Variants in IFT57 observed in about 807,000 individuals in gnomAD.
The protein encoded by IFT57 is intraflagellar transport 57.
Under a neutral mutation model 56.8 loss-of-function variants are expected in IFT57, and 59 were observed. That is an observed-to-expected ratio of 1.04 (90% confidence interval 0.84 to 1.29). The LOEUF (loss-of-function observed/expected upper bound fraction) is 1.29, where lower values mean the gene tolerates loss of function less well. Ranked by LOEUF, IFT57 falls within the 50% of genes most tolerant of loss-of-function variation. IFT57 has a pLI of 0.00. For missense variants in IFT57, 470 were observed against 522.1 expected (o/e 0.90, Z 0.97); for synonymous variants, 209 against 186.1 (o/e 1.12, Z -1.00).
chr3:108,207,693 C>A (rs937191449), intron 4 of IFT57, among the ~76,000 whole-genome samples: 1 of 152,192 alleles, frequency 6.6e-6, no homozygotes, highest in African/African-American at 2.4e-5. Flanking sequence ...GTATCAGCAT[C>A]ACCTAGGTAC....
intron 5 of IFT57, among the ~76,000 whole-genome samples, chr3:108,205,208 A>G (rs1426252459): frequency 6.6e-6 from 1 of 152,154 alleles, no homozygotes; most frequent in South Asian, 2.1e-4. Context: ...GCCAGTGCTG[A>G]GTACTTTCTA....
chr3:108,189,868 G>T (rs2080205262), intron 6 of IFT57, among the ~76,000 whole-genome samples: 1 of 151,716 alleles, frequency 6.6e-6, no homozygotes, highest in Admixed American at 6.6e-5. Flanking sequence ...CATTCTTACA[G>T]CAAAGTAAAC....
chr3:108,189,814 A>G (rs1316115156), intron 6 of IFT57, among the ~76,000 whole-genome samples: 1 of 152,234 alleles, frequency 6.6e-6, no homozygotes, highest in Non-Finnish European at 1.5e-5. Flanking sequence ...GATACTGATA[A>G]TATAAACAAC....
intron 5 of IFT57, among the ~76,000 whole-genome samples, chr3:108,202,275 A>G (rs2108322074): frequency 6.6e-6 from 1 of 152,292 alleles, no homozygotes; most frequent in East Asian, 1.9e-4. Flanking sequence ...AGATACAAAG[A>G]CTACTCATAA....
intron 5 of IFT57, among the ~76,000 whole-genome samples, chr3:108,206,111 ATG>A (rs1236557057): frequency 7.4e-6 from 1 of 135,210 alleles, no homozygotes; most frequent in Non-Finnish European, 1.5e-5. Context: ...TATAATATAT[ATG>A]GTGAATGTAA....
chr3:108,198,772 ATTT>A (rs1473373455), intron 5 of IFT57, among the ~76,000 whole-genome samples: 1 of 151,960 alleles, frequency 6.6e-6, no homozygotes, highest in Non-Finnish European at 1.5e-5. Context: ...GTGCCTTATT[ATTT>A]GTTATTGTGA....
At chr3:108,194,976 T>G (rs1339395566) in intron 5 of IFT57, among the ~76,000 whole-genome samples, 1 of 152,078 alleles carries the variant, frequency 6.6e-6, no homozygotes, top group Non-Finnish European at 1.5e-5. Context: ...AATGGGATCA[T>G]GTCAAGCTAA....
At chr3:108,191,070 C>A (rs961348641) in intron 6 of IFT57, among the ~76,000 whole-genome samples, 1 of 152,180 alleles carries the variant, frequency 6.6e-6, no homozygotes, top group Non-Finnish European at 1.5e-5. Flanking sequence ...GGATTACAAA[C>A]GTGAGCCATG....
intron 5 of IFT57, among the ~76,000 whole-genome samples, chr3:108,205,447 A>G (rs1466756499): frequency 6.6e-6 from 1 of 151,992 alleles, no homozygotes; most frequent in African/African-American, 2.4e-5. Context: ...TGGGCAGAAA[A>G]CACAGACACA....
chr3:108,188,064 T>C (rs957048541), intron 6 of IFT57, among the ~76,000 whole-genome samples: 2 of 152,104 alleles, frequency 1.3e-5, no homozygotes, highest in Middle Eastern at 3.4e-3. Context: ...ATTAGGTATA[T>C]CTCCTAATGC....
At chr3:108,172,831 G>A (rs2080101993) in intron 6 of IFT57, among the ~76,000 whole-genome samples, 1 of 151,796 alleles carries the variant, frequency 6.6e-6, no homozygotes, top group South Asian at 2.1e-4. Flanking sequence ...AAAAATACTA[G>A]GAATTTGTGT....
intron 4 of IFT57, among the ~76,000 whole-genome samples, chr3:108,211,847 AT>A (rs1459184585): frequency 1.5e-4 from 23 of 152,214 alleles, no homozygotes; most frequent in African/African-American, 5.5e-4. Flanking sequence ...ATTAATGCTA[AT>A]ATATTTATTT....
At position 108,167,923 on chromosome 3, in the gene IFT57, A is replaced by G. The variant is rs1214413702; in HGVS notation, c.778-59T>C. Reference sequence around the variant, plus strand: ...AAATACTACATTTCCATCTTTCCCTACTTCTTGTGAAGTTGTAACCTTTAA... The same window carrying G: ...AAATACTACATTTCCATCTTTCCCTGCTTCTTGTGAAGTTGTAACCTTTAA... On this transcript the variant is annotated intron_variant, in intron 6 of 10. Transcript: ENST00000264538. 8.4e-6 allele frequency: 11 copies of G among 1,316,774 alleles called. No homozygotes were observed. In the East Asian group the frequency reaches 2.5e-4, roughly 30 times the overall value. 81.6% of individuals were successfully genotyped at this position (1,316,774 alleles called of 1,614,324 possible). A position where few individuals can be genotyped will look rare whatever the true frequency, so the allele number is the denominator to read the frequency against.
intron 1 of IFT57, among the ~76,000 whole-genome samples, chr3:108,220,837 C>A (rs2080402418): frequency 6.6e-6 from 1 of 152,124 alleles, no homozygotes; most frequent in South Asian, 2.1e-4. Context: ...ATTTTGAGAA[C>A]CATTGGACTA....
intron 5 of IFT57, 89 bp downstream of exon 5, chr3:108,206,539 G>A: frequency 3.9e-6 from 2 of 516,666 alleles, no homozygotes; most frequent in Non-Finnish European, 3.4e-6. Context: ...ACAAAACAAT[G>A]GCCAACAACG....
At position 108,163,675 on chromosome 3, in the gene IFT57, T is replaced by G. The variant is rs750303918; in HGVS notation, c.1099A>C (p.Met367Leu). 2.6e-5 allele frequency: 42 copies of G among 1,610,810 alleles called. No homozygotes were observed. Among genetic ancestry groups the G allele is most frequent in the Non-Finnish European group, 3.5e-5 (41 of 1,177,740 alleles). Residue 367 changes from methionine to leucine, a missense_variant, in exon 10 of 11, where the codon ATG becomes CTG. Physicochemically the swap from Met to Leu is conservative, Grantham distance 15 (BLOSUM62 2). Coordinates refer to ENST00000264538, the MANE Select transcript of IFT57 (RefSeq NM_018010.4). ...AGCATGTACTTACCACCATCAGTCA[T>G]GCTGCTGCCCTTTTCTTCCATTTCT... Reference protein sequence around the residue: ...KQEMEEKGSSMTDGAPLVKIK... With the variant: ...KQEMEEKGSSLTDGAPLVKIK...
At chr3:108,181,121 C>A (rs942645042) in intron 6 of IFT57, among the ~76,000 whole-genome samples, 11 of 152,094 alleles carry the variant, frequency 7.2e-5, no homozygotes, top group African/African-American at 1.4e-4. Context: ...ATAAACGGAA[C>A]CTTTCTCTGA....
chr3:108,164,361 A>G (rs1371345756), intron 9 of IFT57, among the ~76,000 whole-genome samples: 2 of 152,102 alleles, frequency 1.3e-5, no homozygotes, highest in Non-Finnish European at 2.9e-5. Context: ...ATTCCAAACC[A>G]GCATTAATAT....
At chr3:108,191,485 T>TTA (rs2080214457) in intron 6 of IFT57, 36 bp downstream of exon 6, 2 of 1,507,800 alleles carry the variant, frequency 1.3e-6, no homozygotes, top group Non-Finnish European at 1.8e-6. Flanking sequence ...TATAACTTTT[T>TTA]TTTTTTTTTA....
Sources: gnomAD v4.1 joint callset for allele counts (sites outside exome capture counted in the v4.1 genomes callset) on GRCh38, gnomAD v4.1.1 for gene constraint, MANE v1.5 for transcripts, NCBI Gene and HGNC (gene_info 2026-07-23, HGNC 2026-07-21) for gene names.